Variants in PRSS16 observed in about 807,000 individuals in gnomAD.
PRSS16 encodes the protein serine protease 16, also known as thymus-specific serine protease.
PRSS16 carries 43 observed loss-of-function variants against 61.7 expected under a neutral mutation model. That is an observed-to-expected ratio of 0.70 (90% CI 0.55 to 0.90). The LOEUF (loss-of-function observed/expected upper bound fraction) is 0.90, where lower values mean the gene tolerates loss of function less well. Among genes scored for constraint, PRSS16 ranks in the 40% least tolerant of loss-of-function variants. PRSS16 has a pLI of 0.00. For synonymous variants in PRSS16, 273 were observed against 285.2 expected, an observed-to-expected ratio of 0.96 and a Z score of 0.43; for missense variants, 591 against 659.1, an observed-to-expected ratio of 0.90 and a Z score of 1.13.
In PRSS16 at chr6:27,251,010, A is replaced by T; in HGVS notation, c.592-32A>T. On this transcript the variant is annotated intron_variant, in intron 5 of 11. Transcript: ENST00000230582. This position sits in a 1 kb window ranked among gnomAD's most constrained non-coding sequence, Gnocchi z 5.6. ...GAAAGATATGCGATTCCAACCCCTC[A>T]GCCCGCAGGCTGACGGCGTCTCCTC... is the stretch of plus-strand genomic sequence containing the variant. The T allele has an allele frequency of 3.1e-6, 5 of 1,611,806 alleles. No homozygotes were observed. The highest frequency in any genetic ancestry group is 4.2e-6 in the Non-Finnish European group (5 of 1,179,306).
chr6:27,252,775 A>C lies in PRSS16; in HGVS notation c.1009-33A>C. The C allele has an allele frequency of 6.2e-7, 1 of 1,612,222 alleles. No homozygotes were observed. The highest frequency in any genetic ancestry group is 8.5e-7 in the Non-Finnish European group (1 of 1,179,064). ...CTGGCTTGCTGGGAAGAGAGGAGGA[A>C]TTTATGTCTTATGTATGTACATTGT... On this transcript the variant is annotated intron_variant, in intron 8 of 11. Transcript: ENST00000230582. The surrounding 1 kb of genome is among the most constrained non-coding windows in gnomAD (Gnocchi z 4.2).
intron 2 of PRSS16, 107 bp downstream of exon 2, chr6:27,248,155 C>A: frequency 2.4e-6 from 3 of 1,275,038 alleles, no homozygotes; most frequent in Admixed American, 2.8e-5. Flanking sequence ...TCAGTTCTCC[C>A]CATCCCTCTG....
At chr6:27,249,066 A>ACCC in intron 3 of PRSS16, 34 bp from the exon 4 acceptor site, 1 of 960,852 alleles carries the variant, frequency 1.0e-6, no homozygotes, top group Non-Finnish European at 1.6e-6. Context: ...CTTGCATCTC[A>ACCC]CCTCCCCACC....
At position 27,251,089 on chromosome 6, in the gene PRSS16, G is replaced by A; in HGVS notation, c.639G>A (p.Arg213=). The change falls in exon 6 of 12, where the codon CGG becomes CGA. Residue 213 remains arginine, a synonymous_variant. Coordinates refer to ENST00000230582, the MANE Select transcript of PRSS16 (RefSeq NM_005865.4). This position sits in a 1 kb window ranked among gnomAD's most constrained non-coding sequence, Gnocchi z 5.6. ...CGGTCGCCTCCTCCGCCCCGGTGCGGGCCGTGCTGGATTTCTCCGAGTATA... is the reference window on the plus strand; with the variant it reads ...CGGTCGCCTCCTCCGCCCCGGTGCGAGCCGTGCTGGATTTCTCCGAGTATA... ...FASVASSAPV[R]AVLDFSEYND... is the part of the protein sequence containing the mutation. 1.2e-6 allele frequency: 2 copies of A among 1,614,104 alleles called. No individual in the cohort carries two copies. Among genetic ancestry groups the A allele is most frequent in the Admixed American group, 1.7e-5 (1 of 60,028 alleles).
chr6:27,251,867 G>A lies in PRSS16; in HGVS notation c.835G>A (p.Glu279Lys). 1 of 1,613,382 alleles carries A rather than the reference G, an allele frequency of 6.2e-7. No individual in the cohort carries two copies. Among genetic ancestry groups the A allele is most frequent in the East Asian group, 2.2e-5 (1 of 44,860 alleles). Reference sequence around the variant, plus strand: ...CGCTTGCGGGCCCCTGGGCCGCGCTGAAAACCAGGCGGAGCTGTTGGGGGC... The same window carrying A: ...CGCTTGCGGGCCCCTGGGCCGCGCTAAAAACCAGGCGGAGCTGTTGGGGGC... ...LSACGPLGRA[E>K]NQAELLGALQ... The change falls in exon 8 of 12, where the codon GAA (glutamate) becomes AAA (lysine). Residue 279 changes from glutamate (E) to lysine (K), a missense_variant. Physicochemically the swap from Glu to Lys is moderately conservative, Grantham distance 56 (BLOSUM62 1). Coordinates refer to ENST00000230582, the MANE Select transcript of PRSS16 (RefSeq NM_005865.4). The surrounding 1 kb of genome is among the most constrained non-coding windows in gnomAD (Gnocchi z 5.6).
intron 5 of PRSS16, 49 bp from the exon 6 acceptor site, chr6:27,250,993 T>C (rs539466110): frequency 1.9e-6 from 3 of 1,604,032 alleles, no homozygotes; most frequent in Non-Finnish European, 2.6e-6. Context: ...CAGAAAGATA[T>C]GCGATTCCAA....
In PRSS16 at chr6:27,254,803, G is replaced by C. The variant is rs1174795454; in HGVS notation, c.1261G>C (p.Ala421Pro). Residue 421 changes from alanine (A) to proline (P), a missense_variant, in exon 10 of 12, where the codon GCT becomes CCT. Ala to Pro is a conservative substitution (Grantham distance 27). Transcript: ENST00000230582. ...GCTCTCAGCCTTGTCAGTAGCCCAGGCTGTGGCTCAGACGAACTCCTACTA... is the reference window on the plus strand; with the variant it reads ...GCTCTCAGCCTTGTCAGTAGCCCAGCCTGTGGCTCAGACGAACTCCTACTA... ...FGLSALSVAQ[A>P]VAQTNSYYGG... 1.9e-6 allele frequency: 3 copies of C among 1,614,070 alleles called. No individual in the cohort carries two copies. The highest frequency in any genetic ancestry group is 3.3e-5 in the Admixed American group (2 of 60,000).
rs373050480 is a variant in PRSS16 at position 27,248,971 on chromosome 6, G to A, written c.337+25G>A. 2.6e-4 allele frequency: 404 copies of A among 1,581,206 alleles called. 1 individual carries two copies. Among genetic ancestry groups the A allele is most frequent in the Non-Finnish European group, 3.2e-4 (374 of 1,156,402 alleles). The stretch of plus-strand genomic sequence containing the variant: ...GGTAAGAGGCAATGTTGGGGGAAAG[G>A]AGTTGGGATGCTGGTGGGGACCAGG... On this transcript the variant is annotated intron_variant, in intron 3 of 11. Coordinates refer to ENST00000230582, the MANE Select transcript of PRSS16 (RefSeq NM_005865.4).
Position 27,251,780 on chromosome 6 carries a change from G to A in PRSS16, c.748G>A (p.Glu250Lys), listed in dbSNP as rs775866977. The A allele has an allele frequency of 6.2e-7, 1 of 1,608,848 alleles. No individual in the cohort carries two copies. The highest frequency in any genetic ancestry group is 1.1e-5 in the South Asian group (1 of 90,838). Residue 250 changes from glutamate to lysine, a missense_variant, in exon 8 of 12, where the codon GAA becomes AAA. By Grantham distance (56) the Glu-to-Lys change is moderately conservative. Transcript: ENST00000230582. This position sits in a 1 kb window ranked among gnomAD's most constrained non-coding sequence, Gnocchi z 5.6. The part of the protein sequence containing the change: ...CRAAVSVAFA[E>K]VERRLRSGGA... Reference sequence around the variant, plus strand: ...GGCGGCGGTGTCCGTCGCCTTCGCTGAAGTGGAGCGGCGGCTGCGCTCGGG... The same window carrying A: ...GGCGGCGGTGTCCGTCGCCTTCGCTAAAGTGGAGCGGCGGCTGCGCTCGGG...
chr6:27,250,706 G>T lies in PRSS16; in HGVS notation c.491G>T (p.Arg164Leu), dbSNP rs372674948. Residue 164 changes from arginine (R) to leucine (L), a missense_variant, in exon 5 of 12, where the codon CGC becomes CTC. By Grantham distance (102) the Arg-to-Leu change is moderately radical. Transcript: ENST00000230582. The part of the protein sequence containing the change: ...RLALADVVSA[R>L]LALSRLFNIS... ...AGGCTGGCTGATGTGGTCTCTGCCC[G>T]CCTGGCACTTTCCCGCCTCTTTAAC... is the stretch of plus-strand genomic sequence containing the variant. 1.9e-6 allele frequency: 3 copies of T among 1,612,980 alleles called. No homozygotes were observed. Among genetic ancestry groups the T allele is most frequent in the Non-Finnish European group, 2.5e-6 (3 of 1,179,548 alleles).
chr6:27,251,452 G>C lies in PRSS16; in HGVS notation c.717+188G>C. On this transcript the variant is annotated intron_variant, in intron 7 of 11. Coordinates refer to ENST00000230582, the MANE Select transcript of PRSS16 (RefSeq NM_005865.4). The surrounding 1 kb of genome is among the most constrained non-coding windows in gnomAD (Gnocchi z 5.6). ...GAAGAGGAGGGGCACCAGGAAAAGA[G>C]GCGCTCCCCAGAGAGGGCGGGGTTT... 1.2e-6 allele frequency: 1 copy of C among 825,792 alleles called. No individual in the cohort carries two copies. Among genetic ancestry groups the C allele is most frequent in the South Asian group, 1.9e-5 (1 of 52,582 alleles). 51.2% of individuals were successfully genotyped at this position (825,792 alleles called of 1,614,324 possible). A position where few individuals can be genotyped will look rare whatever the true frequency, so the allele number is the denominator to read the frequency against.
chr6:27,248,978 G>A (rs774732214), intron 3 of PRSS16, 32 bp downstream of exon 3: 9 of 1,574,498 alleles, frequency 5.7e-6, no homozygotes, highest in Non-Finnish European at 7.0e-6. Context: ...AAGGAGTTGG[G>A]ATGCTGGTGG....
Position 27,248,768 on chromosome 6 carries a change from G to A in PRSS16, c.238-79G>A, listed in dbSNP as rs1474245424. Reference sequence around the variant, plus strand: ...CATAAGGAAAGATCCATTAGGAAGAGAGACTGGAACAAATGAGGAATTGAG... The same window carrying A: ...CATAAGGAAAGATCCATTAGGAAGAAAGACTGGAACAAATGAGGAATTGAG... On this transcript the variant is annotated intron_variant, in intron 2 of 11. Transcript: ENST00000230582. 9 of 918,324 alleles carry A rather than the reference G, an allele frequency of 9.8e-6. No individual in the cohort carries two copies. The East Asian group carries it at 1.0e-4, about 10-fold the overall frequency. The allele number at this position is 918,324 out of a possible 1,614,324, so 56.9% of individuals were successfully genotyped here. A position where few individuals can be genotyped will look rare whatever the true frequency, so the allele number is the denominator to read the frequency against.
Position 27,248,876 on chromosome 6 carries a change from T to C in PRSS16, c.267T>C (p.Val89=). 1.9e-6 allele frequency: 3 copies of C among 1,612,380 alleles called. No individual in the cohort carries two copies. The highest frequency in any genetic ancestry group is 2.5e-6 in the Non-Finnish European group (3 of 1,179,170). ...QRYWVNDQHW[V]GQDGPIFLHL... The stretch of plus-strand genomic sequence containing the variant: ...ACTGGGTGAATGACCAACATTGGGT[T>C]GGCCAGGATGGACCCATATTCCTGC... The change falls in exon 3 of 12, where the codon GTT becomes GTC. Residue 89 remains valine, a synonymous_variant. Transcript: ENST00000230582.
chr6:27,248,556 T>C (rs1473120639), intron 2 of PRSS16, among the ~76,000 whole-genome samples: 1 of 152,144 alleles, frequency 6.6e-6, no homozygotes, highest in Non-Finnish European at 1.5e-5. Flanking sequence ...TTTCTTATTT[T>C]ACAATTATTA....
chr6:27,247,862 C>T lies in PRSS16; in HGVS notation c.71-20C>T. 6.2e-7 allele frequency: 1 copy of T among 1,612,508 alleles called. No homozygotes were observed. The highest frequency in any genetic ancestry group is 8.5e-7 in the Non-Finnish European group (1 of 1,179,278). ...ATCCTAAGGGGGCCAGCCTGACTTCCTTCCCTCCATGTCCCACAGCCTCCC... is the reference window on the plus strand; with the variant it reads ...ATCCTAAGGGGGCCAGCCTGACTTCTTTCCCTCCATGTCCCACAGCCTCCC... On this transcript the variant is annotated intron_variant, in intron 1 of 11. Coordinates refer to ENST00000230582, the MANE Select transcript of PRSS16 (RefSeq NM_005865.4).
At chr6:27,248,100 T>C in intron 2 of PRSS16, 52 bp downstream of exon 2, 1 of 1,561,338 alleles carries the variant, frequency 6.4e-7, no homozygotes. Context: ...CTCCTCAGTC[T>C]CCCTCATCTC....
At position 27,252,732 on chromosome 6, in the gene PRSS16, G is replaced by T. The variant is rs1759942320; in HGVS notation, c.1009-76G>T. Reference sequence around the variant, plus strand: ...CTATTTCTGACTTTTGACCTCTGGGGACATAGGCCTCTGCACCCTGGCTTG... The same window carrying T: ...CTATTTCTGACTTTTGACCTCTGGGTACATAGGCCTCTGCACCCTGGCTTG... On this transcript the variant is annotated intron_variant, in intron 8 of 11. Coordinates refer to ENST00000230582, the MANE Select transcript of PRSS16 (RefSeq NM_005865.4). The surrounding 1 kb of genome is among the most constrained non-coding windows in gnomAD (Gnocchi z 4.2). The T allele has an allele frequency of 6.4e-7, 1 of 1,552,334 alleles. No individual in the cohort carries two copies. Among genetic ancestry groups the T allele is most frequent in the Non-Finnish European group, 8.8e-7 (1 of 1,131,640 alleles).
Position 27,255,195 on chromosome 6 carries a change from C to G in PRSS16, c.1477-52C>G. 1 of 1,613,626 alleles carries G rather than the reference C, an allele frequency of 6.2e-7. No homozygotes were observed. Among genetic ancestry groups the G allele is most frequent in the Non-Finnish European group, 8.5e-7 (1 of 1,179,572 alleles). ...TTGAATAATCACTTGCATGTTCCCT[C>G]CTTCTGCTGGTGCTGAAATCTGACT... On this transcript the variant is annotated intron_variant, in intron 11 of 11. Transcript: ENST00000230582. This position sits in a 1 kb window ranked among gnomAD's most constrained non-coding sequence, Gnocchi z 4.4.
Sources: gnomAD v4.1 joint callset for allele counts (sites outside exome capture counted in the v4.1 genomes callset) on GRCh38, gnomAD v4.1.1 for gene constraint, Gnocchi (gnomAD v3.1) non-coding constraint, MANE v1.5 for transcripts, NCBI Gene and HGNC (gene_info 2026-07-23, HGNC 2026-07-21) for gene names.